The following NRXN1 variants were observed in gnomAD, a reference collection of about 807,000 sequenced individuals.
NRXN1 encodes neurexin-1.
A neutral mutation model predicts 150.9 loss-of-function variants in NRXN1; 39 were observed. That is an observed-to-expected ratio of 0.26 (90% confidence interval 0.20 to 0.34). The LOEUF (loss-of-function observed/expected upper bound fraction) is 0.34, where lower values mean the gene tolerates loss of function less well. Ranked by LOEUF, NRXN1 falls within the 10% of genes least tolerant of loss-of-function variation. The pLI is 1.00. For missense variants in NRXN1, 1,815 were observed against 1,949.9 expected, an observed-to-expected ratio of 0.93 and a Z score of 1.30; for synonymous variants, 924 against 757.0, an observed-to-expected ratio of 1.22 and a Z score of -3.62.
At chr2:50,562,329 C>A (rs181599865) in intron 8 of NRXN1, among the ~76,000 whole-genome samples, 121 of 150,010 alleles carry the variant, frequency 8.1e-4, no homozygotes, top group Middle Eastern at 6.8e-3. Context: ...GATAGATATA[C>A]GATAGATAGA....
chr2:50,730,630 G>A lies in NRXN1; in HGVS notation c.833-107015C>T, dbSNP rs150277840. On this transcript the variant is annotated intron_variant, in intron 5 of 22. Coordinates refer to ENST00000401669, the MANE Select transcript of NRXN1 (RefSeq NM_001330078.2). The stretch of plus-strand genomic sequence containing the variant: ...TCTATAATTATGTCTTCATTTTTTC[G>A]TCCACTTTGACTACAAAATCTTCCT... 5.3e-4 allele frequency among the ~76,000 whole-genome samples: 79 copies of A among 149,208 alleles called. 1 individual carries two copies. In the East Asian group the frequency reaches 0.015, roughly 28 times the overall value.
At chr2:50,312,044 A>C (rs1235904706) in intron 17 of NRXN1, among the ~76,000 whole-genome samples, 6 of 152,132 alleles carry the variant, frequency 3.9e-5, no homozygotes, top group Non-Finnish European at 8.8e-5. Flanking sequence ...GCTGATGTAA[A>C]AATTTTTGAT....
chr2:50,789,770 T>G (rs1559265369), intron 5 of NRXN1, among the ~76,000 whole-genome samples: 1 of 152,134 alleles, frequency 6.6e-6, no homozygotes, highest in Non-Finnish European at 1.5e-5. Flanking sequence ...AAAGTTAGCA[T>G]TCACTTGAGA....
intron 5 of NRXN1, among the ~76,000 whole-genome samples, chr2:50,882,144 G>C (rs1309548674): frequency 6.6e-6 from 1 of 151,834 alleles, no homozygotes; most frequent in Non-Finnish European, 1.5e-5. Context: ...AATTTCTAAA[G>C]ACTGAATTAG....
intron 19 of NRXN1, among the ~76,000 whole-genome samples, chr2:50,055,722 T>G (rs565120490): frequency 6.6e-6 from 1 of 152,230 alleles, no homozygotes; most frequent in Non-Finnish European, 1.5e-5. Context: ...TTTATTTGAG[T>G]GTCCTTGAGT....
chr2:50,636,372 C>A lies in NRXN1; in HGVS notation c.833-12757G>T, dbSNP rs144084727. On this transcript the variant is annotated intron_variant, in intron 5 of 22. Coordinates refer to ENST00000401669, the MANE Select transcript of NRXN1 (RefSeq NM_001330078.2). ...TACCACCCTACTTAGCCTCACTGGG[C>A]CTCATTTTCCCTCCTGGCAAAGTGA... Among the ~76,000 whole-genome samples, 299 of 152,254 alleles carry A rather than the reference C, an allele frequency of 2.0e-3. 2 individuals carry two copies. The highest frequency in any genetic ancestry group is 6.8e-3 in the African/African-American group (281 of 41,554).
At chr2:50,400,154 G>C (rs966993657) in intron 17 of NRXN1, among the ~76,000 whole-genome samples, 5 of 151,930 alleles carry the variant, frequency 3.3e-5, no homozygotes, top group African/African-American at 1.2e-4. Flanking sequence ...TGAAACTACT[G>C]TTACTTGCTG....
At chr2:50,246,947 C>T (rs1337239285) in intron 17 of NRXN1, among the ~76,000 whole-genome samples, 1 of 152,058 alleles carries the variant, frequency 6.6e-6, no homozygotes, top group African/African-American at 2.4e-5. Context: ...CTTTTATTCA[C>T]TTACTAATTA....
At chr2:50,020,483 A>T (rs1251675050) in intron 21 of NRXN1, among the ~76,000 whole-genome samples, 2 of 152,246 alleles carry the variant, frequency 1.3e-5, no homozygotes, top group African/African-American at 4.8e-5. Flanking sequence ...ATTTTGCCAG[A>T]CAGGCTTATC....
chr2:50,299,313 C>T (rs1387035408), intron 17 of NRXN1, among the ~76,000 whole-genome samples: 3 of 152,030 alleles, frequency 2.0e-5, no homozygotes, highest in Non-Finnish European at 2.9e-5. Context: ...ACATTTATCC[C>T]ATATATGCAT....
chr2:49,985,160 A>C (rs1680685407), intron 21 of NRXN1, among the ~76,000 whole-genome samples: 1 of 152,160 alleles, frequency 6.6e-6, no homozygotes, highest in Non-Finnish European at 1.5e-5. Flanking sequence ...AAATTTCCAT[A>C]AGGTATCAAT....
intron 21 of NRXN1, among the ~76,000 whole-genome samples, chr2:49,947,514 CTTTTTTTTTT>C (rs199991365): frequency 9.2e-6 from 1 of 109,002 alleles, no homozygotes; most frequent in Non-Finnish European, 1.9e-5. Flanking sequence ...TTTTTTTTTT[CTTTTTTTTTT>C]TTTTTTTGTA....
intron 17 of NRXN1, among the ~76,000 whole-genome samples, chr2:50,405,904 T>C (rs546760937): frequency 1.3e-5 from 2 of 152,294 alleles, no homozygotes; most frequent in African/African-American, 4.8e-5. Flanking sequence ...CAATTGTTAA[T>C]TCATTGAAAT....
intron 17 of NRXN1, among the ~76,000 whole-genome samples, chr2:50,438,417 A>G (rs561250378): frequency 6.6e-6 from 1 of 151,260 alleles, no homozygotes; most frequent in South Asian, 2.1e-4. Flanking sequence ...CCCTGGGAAA[A>G]CCTTCTGACT....
chr2:50,948,647 G>C (rs1690798108), intron 2 of NRXN1, among the ~76,000 whole-genome samples: 1 of 151,990 alleles, frequency 6.6e-6, no homozygotes, highest in Non-Finnish European at 1.5e-5. Flanking sequence ...TTTAATCTTA[G>C]AGTAGGCTTC....
chr2:50,222,945 C>T (rs2064017779), intron 18 of NRXN1, among the ~76,000 whole-genome samples: 1 of 151,670 alleles, frequency 6.6e-6, no homozygotes, highest in African/African-American at 2.4e-5. Flanking sequence ...CTTTTTACTC[C>T]CATCATTGTT....
chr2:50,814,751 A>G (rs924347951), intron 5 of NRXN1, among the ~76,000 whole-genome samples: 3 of 152,168 alleles, frequency 2.0e-5, no homozygotes, highest in African/African-American at 7.2e-5. Flanking sequence ...ATACAAAGGT[A>G]TTTGATACAT....
At chr2:50,188,437 C>A (rs2061229969) in intron 18 of NRXN1, among the ~76,000 whole-genome samples, 1 of 152,134 alleles carries the variant, frequency 6.6e-6, no homozygotes, top group African/African-American at 2.4e-5. Context: ...AAAACCTAGG[C>A]AACACCATTC....
Position 50,346,011 on chromosome 2 carries a change from T to TG in NRXN1, c.3365-109042dup, listed in dbSNP as rs1420603338. 6.6e-6 allele frequency among the ~76,000 whole-genome samples: 1 copy of TG among 152,138 alleles called. No homozygotes were observed. Among genetic ancestry groups the TG allele is most frequent in the Non-Finnish European group, 1.5e-5 (1 of 68,018 alleles). On this transcript the variant is annotated intron_variant, in intron 17 of 22. Coordinates refer to ENST00000401669, the MANE Select transcript of NRXN1 (RefSeq NM_001330078.2). The surrounding 1 kb of genome is among the most constrained non-coding windows in gnomAD (Gnocchi z 5.0). ...AAAAGACATATATTTATGTGCAGAG[T>TG]GGATGGAAGGGGAATGGTGTCCAGA...
Sources: gnomAD v4.1 joint callset for allele counts (sites outside exome capture counted in the v4.1 genomes callset) on GRCh38, gnomAD v4.1.1 for gene constraint, Gnocchi (gnomAD v3.1) non-coding constraint, MANE v1.5 for transcripts, NCBI Gene and HGNC (gene_info 2026-07-23, HGNC 2026-07-21) for gene names.